Variants in OR6N1 observed in about 807,000 individuals in gnomAD.
OR6N1 encodes olfactory receptor family 6 subfamily N member 1.
For synonymous variants in OR6N1, 170 were observed against 150.7 expected (o/e 1.13, Z -0.94); for missense variants, 394 against 371.7 (o/e 1.06, Z -0.49).
At chr1:158,800,371 T>G in the OR6N1 span, among the ~76,000 whole-genome samples, 2 of 152,268 alleles carry the variant, frequency 1.3e-5, no homozygotes, top group African/African-American at 2.4e-5. Context: ...ATTTTGCTGT[T>G]GTTGTTTTTC....
At chr1:158,820,374 A>G in the OR6N1 span, among the ~76,000 whole-genome samples, 27,659 of 152,224 alleles carry the variant, frequency 0.18, 2,737 homozygotes, top group Admixed American at 0.27. Context: ...TTTAATTCCA[A>G]TTCCATAAAT....
chr1:158,803,926 T>A, the OR6N1 span, among the ~76,000 whole-genome samples: 1 of 152,274 alleles, frequency 6.6e-6, no homozygotes, highest in Non-Finnish European at 1.5e-5. Context: ...AAATGACAAG[T>A]TCTGGTATTA....
the OR6N1 span, among the ~76,000 whole-genome samples, chr1:158,804,338 C>T: frequency 6.6e-6 from 1 of 152,300 alleles, no homozygotes; most frequent in South Asian, 2.1e-4. Context: ...TCTGGGCACA[C>T]TTGGGTTACA....
chr1:158,795,833 A>G, the OR6N1 span, among the ~76,000 whole-genome samples: 1 of 152,176 alleles, frequency 6.6e-6, no homozygotes, highest in Non-Finnish European at 1.5e-5. Flanking sequence ...TTCACAGTGT[A>G]GGCTGCTGCA....
chr1:158,835,185 A>C, the OR6N1 span, among the ~76,000 whole-genome samples: 1 of 152,208 alleles, frequency 6.6e-6, no homozygotes, highest in African/African-American at 2.4e-5. Context: ...ATTACATTGC[A>C]AATTGCATTG....
intron 1 of OR6N1, among the ~76,000 whole-genome samples, chr1:158,770,089 C>G (rs1013854151): frequency 6.6e-6 from 1 of 152,200 alleles, no homozygotes; most frequent in African/African-American, 2.4e-5. Context: ...GTCCCACTCA[C>G]AGATGAGTTG....
chr1:158,787,635 T>TCTCTCTCTCTCTCACACACACA, the OR6N1 span, among the ~76,000 whole-genome samples: 1 of 134,206 alleles, frequency 7.5e-6, no homozygotes, highest in African/African-American at 3.0e-5. Context: ...TCTCTCTCTC[T>TCTCTCTCTCTCTCACACACACA]CACACACACA....
the OR6N1 span, among the ~76,000 whole-genome samples, chr1:158,817,034 T>C: frequency 6.6e-6 from 1 of 152,202 alleles, no homozygotes; most frequent in Non-Finnish European, 1.5e-5. Flanking sequence ...ATATTCATTA[T>C]GTAAAAATTG....
chr1:158,773,163 T>G (rs1190271664), upstream of OR6N1, among the ~76,000 whole-genome samples: 1 of 79,258 alleles, frequency 1.3e-5, no homozygotes, highest in East Asian at 3.7e-4. Flanking sequence ...TCTCCTAATT[T>G]ATTTCTGGAA....
Position 158,765,486 on chromosome 1 carries a change from C to T in OR6N1, c.*258G>A, listed in dbSNP as rs1199588485. 4 of 366,788 alleles carry T rather than the reference C, an allele frequency of 1.1e-5. No homozygotes were observed. Among genetic ancestry groups the T allele is most frequent in the East Asian group, 4.2e-5 (1 of 23,678 alleles). The allele number at this position is 366,788 out of a possible 1,614,324, so 22.7% of individuals were successfully genotyped here. On this transcript the variant is annotated 3_prime_UTR_variant, in exon 2 of 2. Transcript: ENST00000641846. ...AAAAAACCTAAGTGTGATACATAAA[C>T]ATCTGAGTTTTGAAAATCACTGCAC...
chr1:158,802,026 T>C, the OR6N1 span, among the ~76,000 whole-genome samples: 1 of 151,918 alleles, frequency 6.6e-6, no homozygotes, highest in Non-Finnish European at 1.5e-5. Context: ...AGTTGCTAAG[T>C]GTGTAAAGTT....
chr1:158,771,870 G>GT (rs1657432613), intron 1 of OR6N1, among the ~76,000 whole-genome samples, 151 bp downstream of exon 1: 1 of 152,160 alleles, frequency 6.6e-6, no homozygotes, highest in Non-Finnish European at 1.5e-5. Context: ...CAGAATATCT[G>GT]TTTTTAAAAA....
the OR6N1 span, among the ~76,000 whole-genome samples, chr1:158,779,024 A>AAAAAAAAAAAAAAAAAAG: frequency 3.3e-5 from 5 of 151,200 alleles, no homozygotes; most frequent in African/African-American, 9.8e-5. Flanking sequence ...GTCTCAAAAA[A>AAAAAAAAAAAAAAAAAAG]AAAAAAAAGA....
rs981382000 is a variant in OR6N1, at chr1:158,765,563, A to C, written c.*181T>G. 5.2e-6 allele frequency: 3 copies of C among 571,562 alleles called. No individual in the cohort carries two copies. The highest frequency in any genetic ancestry group is 3.7e-5 in the African/African-American group (2 of 53,708). The allele number at this position is 571,562 out of a possible 1,614,324, so 35.4% of individuals were successfully genotyped here. A position where few individuals can be genotyped will look rare whatever the true frequency, so the allele number is the denominator to read the frequency against. Reference sequence around the variant, plus strand: ...TTCCCTAGTCTCTGGTCTCAAGCCAAATGTGGCTCCAGCAGACAGTATGAA... The same window carrying C: ...TTCCCTAGTCTCTGGTCTCAAGCCACATGTGGCTCCAGCAGACAGTATGAA... On this transcript the variant is annotated 3_prime_UTR_variant, in exon 2 of 2. Transcript: ENST00000641846.
chr1:158,812,115 T>C, the OR6N1 span, among the ~76,000 whole-genome samples: 1 of 152,232 alleles, frequency 6.6e-6, no homozygotes, highest in African/African-American at 2.4e-5. Context: ...TTTGCAGCTT[T>C]ATCTATGGGT....
chr1:158,804,301 G>T, the OR6N1 span, among the ~76,000 whole-genome samples: 4 of 152,184 alleles, frequency 2.6e-5, no homozygotes, highest in Non-Finnish European at 5.9e-5. Context: ...TTGGCTCCAG[G>T]GTCACAAATC....
At chr1:158,806,183 AG>A in the OR6N1 span, among the ~76,000 whole-genome samples, 1 of 152,188 alleles carries the variant, frequency 6.6e-6, no homozygotes, top group Non-Finnish European at 1.5e-5. Flanking sequence ...GGAGCCCAAA[AG>A]CAGTAGACTC....
At chr1:158,776,734 A>G, upstream of OR6N1, 1 of 1,613,586 alleles carries the variant, frequency 6.2e-7, no homozygotes, top group Non-Finnish European at 8.5e-7. Context: ...GGTCCTCTTG[A>G]TAGCTTTAAT....
chr1:158,836,029 T>C, the OR6N1 span, among the ~76,000 whole-genome samples: 1 of 151,982 alleles, frequency 6.6e-6, no homozygotes, highest in Non-Finnish European at 1.5e-5. Context: ...ATTAAGAGTG[T>C]TAATTGATTG....
Sources: allele counts gnomAD v4.1 joint callset (sites outside exome capture counted in the v4.1 genomes callset), GRCh38; gene constraint gnomAD v4.1.1; transcripts MANE v1.5; gene names NCBI Gene and HGNC (gene_info 2026-07-23, HGNC 2026-07-21).